The following NCS1 variants were observed in gnomAD, a reference collection of about 807,000 sequenced individuals.
The protein encoded by NCS1 is frequenin homolog.
In NCS1, 6 loss-of-function variants were observed where a neutral mutation model predicts 28.4. That is an observed-to-expected ratio of 0.21 (90% CI 0.12 to 0.42). The LOEUF is 0.42. NCS1 is among the 10% of genes least tolerant of loss of function. NCS1 has a pLI of 1.00. For synonymous variants in NCS1, 86 were observed against 99.3 expected, an observed-to-expected ratio of 0.87 and a Z score of 0.79; for missense variants, 131 against 241.4, an observed-to-expected ratio of 0.54 and a Z score of 3.03.
At chr9:130,227,737 A>T (rs944393009) in intron 7 of NCS1, among the ~76,000 whole-genome samples, 84 of 152,246 alleles carry the variant, frequency 5.5e-4, no homozygotes, top group Non-Finnish European at 1.1e-3. Context: ...CCATTGCTAC[A>T]TATTACATTA....
At chr9:130,222,846 G>A in intron 5 of NCS1, 108 bp downstream of exon 5, 1 of 1,219,966 alleles carries the variant, frequency 8.2e-7, no homozygotes. Context: ...CAGGGTGGAA[G>A]CAGGGGTCAC....
At chr9:130,211,088 G>A (rs2417166) in intron 2 of NCS1, among the ~76,000 whole-genome samples, 136,782 of 147,286 alleles carry the variant, frequency 0.93, 63,570 homozygotes, top group East Asian at 1. Context: ...CCTGGGCTCA[G>A]GTGATCCTCC....
In NCS1 at chr9:130,233,274, G is replaced by A. The variant is rs1375696231; in HGVS notation, c.*302G>A. ...CTTGGCTGCCTCGCAGGCAGCCTCC[G>A]TTCCTCCCGCTCTCTTGCGCGTGTG... On this transcript the variant is annotated 3_prime_UTR_variant, in exon 8 of 8. Transcript: ENST00000372398. This position sits in a 1 kb window ranked among gnomAD's most constrained non-coding sequence, Gnocchi z 4.8. 2.0e-5 allele frequency: 3 copies of A among 152,270 alleles called. No individual in the cohort carries two copies. In the East Asian group the frequency reaches 5.8e-4, roughly 29 times the overall value. The allele number at this position is 152,270 out of a possible 1,614,324, so 9.4% of individuals were successfully genotyped here. A position where few individuals can be genotyped will look rare whatever the true frequency, so the allele number is the denominator to read the frequency against.
chr9:130,188,554 G>C (rs1832771543), intron 1 of NCS1, among the ~76,000 whole-genome samples: 1 of 150,868 alleles, frequency 6.6e-6, no homozygotes, highest in Non-Finnish European at 1.5e-5. Context: ...TGGGATTACA[G>C]GCATGTGCCA....
intron 1 of NCS1, among the ~76,000 whole-genome samples, chr9:130,182,365 C>G (rs1047223938): frequency 1.3e-5 from 2 of 152,264 alleles, no homozygotes; most frequent in South Asian, 4.1e-4. Context: ...GGGGAGGGAG[C>G]GCCCAGTCCC....
intron 1 of NCS1, among the ~76,000 whole-genome samples, chr9:130,193,256 G>A (rs545827243): frequency 5.3e-5 from 8 of 152,326 alleles, no homozygotes; most frequent in Non-Finnish European, 1.2e-4. Context: ...GGAGGGGCAG[G>A]GGTGAGGCTG....
At chr9:130,194,805 T>C (rs1203885354) in intron 1 of NCS1, among the ~76,000 whole-genome samples, 1 of 152,122 alleles carries the variant, frequency 6.6e-6, no homozygotes, top group Non-Finnish European at 1.5e-5. Flanking sequence ...AGGCAGAGTG[T>C]GATGGAGAGA....
chr9:130,222,751 G>A lies in NCS1; in HGVS notation c.396+13G>A. 1 of 1,613,566 alleles carries A rather than the reference G, an allele frequency of 6.2e-7. No homozygotes were observed. The highest frequency in any genetic ancestry group is 8.5e-7 in the Non-Finnish European group (1 of 1,179,514). On this transcript the variant is annotated intron_variant, in intron 5 of 7. Coordinates refer to ENST00000372398, the MANE Select transcript of NCS1 (RefSeq NM_014286.4). ...TTACCAGATGGTGGTGAGAAGCCGG[G>A]TCTCGTGTGGTTAGGGGTGGCAGGA...
Position 130,177,577 on chromosome 9 carries a change from C to T in NCS1, c.64+4850C>T, listed in dbSNP as rs1159469526. ...TGGAGCAGAGCAGCAGCAGGAGAGA[C>T]TGAGGTGGACTCTCGGCATCGGGAT... is the stretch of plus-strand genomic sequence containing the variant. On this transcript the variant is annotated intron_variant, in intron 1 of 7. Coordinates refer to ENST00000372398, the MANE Select transcript of NCS1 (RefSeq NM_014286.4). This position sits in a 1 kb window ranked among gnomAD's most constrained non-coding sequence, Gnocchi z 4.4. 1.3e-5 allele frequency among the ~76,000 whole-genome samples: 2 copies of T among 152,204 alleles called. No individual in the cohort carries two copies. The highest frequency in any genetic ancestry group is 3.8e-4 in the East Asian group (2 of 5,204).
At chr9:130,225,567 C>T (rs2131159144) in intron 6 of NCS1, among the ~76,000 whole-genome samples, 1 of 152,374 alleles carries the variant, frequency 6.6e-6, no homozygotes, top group African/African-American at 2.4e-5. Flanking sequence ...AATCTGACTT[C>T]TCCGTTTCCC....
intron 1 of NCS1, among the ~76,000 whole-genome samples, chr9:130,184,658 C>G (rs1237681261): frequency 1.3e-5 from 2 of 151,970 alleles, no homozygotes; most frequent in African/African-American, 4.8e-5. Flanking sequence ...GACAGAGTCT[C>G]GCTCTGTCAC....
chr9:130,225,827 TGTG>T (rs1469075616), intron 6 of NCS1, among the ~76,000 whole-genome samples: 1 of 152,120 alleles, frequency 6.6e-6, no homozygotes, highest in African/African-American at 2.4e-5. Context: ...GCCTTTTCCT[TGTG>T]GTCCGCCGGC....
intron 2 of NCS1, among the ~76,000 whole-genome samples, chr9:130,211,573 C>G (rs952509651): frequency 1.3e-5 from 2 of 151,758 alleles, no homozygotes; most frequent in Non-Finnish European, 1.5e-5. Flanking sequence ...GGAGGACTTT[C>G]GGCTTCCACC....
rs782422996 is a variant in NCS1, at chr9:130,222,756, G to A, written c.396+18G>A. On this transcript the variant is annotated intron_variant, in intron 5 of 7. Coordinates refer to ENST00000372398, the MANE Select transcript of NCS1 (RefSeq NM_014286.4). ...AGATGGTGGTGAGAAGCCGGGTCTC[G>A]TGTGGTTAGGGGTGGCAGGAGGGGC... The A allele has an allele frequency of 7.4e-6, 12 of 1,612,550 alleles. No homozygotes were observed. The highest frequency in any genetic ancestry group is 5.0e-5 in the Admixed American group (3 of 59,982).
At chr9:130,176,167 TTTC>T (rs1832564400) in intron 1 of NCS1, among the ~76,000 whole-genome samples, 2 of 80,726 alleles carry the variant, frequency 2.5e-5, no homozygotes, top group African/African-American at 1.6e-4. Flanking sequence ...TCTTTCTTTC[TTTC>T]TTTCTTTCTT....
At position 130,193,121 on chromosome 9, in the gene NCS1, C is replaced by T. The variant is rs532734401; in HGVS notation, c.65-7837C>T. Among the ~76,000 whole-genome samples the T allele has an allele frequency of 2.4e-4, 36 of 152,260 alleles. 1 individual carries two copies. The South Asian group carries it at 4.1e-3, about 18-fold the overall frequency. On this transcript the variant is annotated intron_variant, in intron 1 of 7. Transcript: ENST00000372398. ...TGTGCGGCCAGCGGTGCACTCCCTCCGCTCTGACTTAGCTGTGCTGTTGCT... is the reference window on the plus strand; with the variant it reads ...TGTGCGGCCAGCGGTGCACTCCCTCTGCTCTGACTTAGCTGTGCTGTTGCT...
chr9:130,201,562 G>A (rs1302187092), intron 2 of NCS1, among the ~76,000 whole-genome samples: 1 of 152,096 alleles, frequency 6.6e-6, no homozygotes, highest in Non-Finnish European at 1.5e-5. Context: ...GGAGGAGGGC[G>A]GTGTATTGTC....
rs554799665 is a variant in NCS1 at position 130,209,756 on chromosome 9, A to T, written c.90-8076A>T. 1.3e-5 allele frequency among the ~76,000 whole-genome samples: 2 copies of T among 152,242 alleles called. No homozygotes were observed. Among genetic ancestry groups the T allele is most frequent in the African/African-American group, 4.8e-5 (2 of 41,554 alleles). On this transcript the variant is annotated intron_variant, in intron 2 of 7. Coordinates refer to ENST00000372398, the MANE Select transcript of NCS1 (RefSeq NM_014286.4). This position sits in a 1 kb window ranked among gnomAD's most constrained non-coding sequence, Gnocchi z 4.4. ...CTTTTCTCCCCTGCCCTTTTAAAGA[A>T]GTGTAAGAACGCCGTTGTTGAATCT...
chr9:130,182,179 G>A (rs1564702462), intron 1 of NCS1, among the ~76,000 whole-genome samples: 3 of 152,146 alleles, frequency 2.0e-5, no homozygotes, highest in Non-Finnish European at 4.4e-5. Flanking sequence ...TTTTACAGAT[G>A]AGGAAAGGGA....
Sources: allele counts gnomAD v4.1 joint callset (sites outside exome capture counted in the v4.1 genomes callset), GRCh38; gene constraint gnomAD v4.1.1; non-coding constraint Gnocchi (gnomAD v3.1); transcripts MANE v1.5; gene names NCBI Gene and HGNC (gene_info 2026-07-23, HGNC 2026-07-21).